The following LARP4B variants were observed in gnomAD, a reference collection of about 807,000 sequenced individuals.
The protein encoded by LARP4B is La ribonucleoprotein 4B.
A neutral mutation model predicts 89.8 loss-of-function variants in LARP4B; 12 were observed. That is an observed-to-expected ratio of 0.13 (90% CI 0.09 to 0.22). The LOEUF (loss-of-function observed/expected upper bound fraction) is 0.22, where lower values mean the gene tolerates loss of function less well. LARP4B is among the 10% of genes least tolerant of loss of function. The pLI, the probability that LARP4B is intolerant of heterozygous loss-of-function variation, is 1.00. For synonymous variants in LARP4B, 367 were observed against 363.3 expected (o/e 1.01, Z -0.12); for missense variants, 757 against 947.7 (o/e 0.80, Z 2.64).
the LARP4B span, among the ~76,000 whole-genome samples, chr10:950,927 T>C: frequency 2.0e-5 from 3 of 152,042 alleles, no homozygotes; most frequent in Non-Finnish European, 4.4e-5. Flanking sequence ...GACAATCATG[T>C]CATCTGCAAA....
intron 5 of LARP4B, among the ~76,000 whole-genome samples, chr10:859,085 A>C (rs1834456140): frequency 6.6e-6 from 1 of 151,942 alleles, no homozygotes; most frequent in African/African-American, 2.4e-5. Context: ...TTGAGACCAG[A>C]CTGGCCAACA....
chr10:852,540 C>T (rs1588911134), intron 5 of LARP4B, among the ~76,000 whole-genome samples: 1 of 152,324 alleles, frequency 6.6e-6, no homozygotes, highest in South Asian at 2.1e-4. Context: ...TGGTGAAATA[C>T]TGAGTGCCTC....
intron 3 of LARP4B, among the ~76,000 whole-genome samples, chr10:865,841 T>G (rs1834870700): frequency 6.6e-6 from 1 of 152,148 alleles, no homozygotes; most frequent in South Asian, 2.1e-4. Context: ...AAGGGACAGG[T>G]CCCTGGTCCC....
chr10:956,900 G>C, the LARP4B span, among the ~76,000 whole-genome samples: 1 of 152,176 alleles, frequency 6.6e-6, no homozygotes, highest in Non-Finnish European at 1.5e-5. This position sits in a 1 kb window ranked among gnomAD's most constrained non-coding sequence, Gnocchi z 4.3. Flanking sequence ...GGAAGGTGAC[G>C]CATGAGATAG....
Position 811,567 on chromosome 10 carries a change from C to A in LARP4B, c.*1359G>T, listed in dbSNP as rs1479007041. On this transcript the variant is annotated 3_prime_UTR_variant, in exon 18 of 18. Transcript: ENST00000316157. ...TGACCCACTCACGCCAACCCAGGGC[C>A]GGGCTCCATGGACTCTAAGCTGTCT... is the stretch of plus-strand genomic sequence containing the variant. The A allele has an allele frequency of 6.6e-6, 1 of 152,572 alleles. No individual in the cohort carries two copies. The highest frequency in any genetic ancestry group is 1.5e-5 in the Non-Finnish European group (1 of 68,040). The allele number at this position is 152,572 out of a possible 1,614,324, so 9.5% of individuals were successfully genotyped here.
chr10:950,494 T>C, the LARP4B span, among the ~76,000 whole-genome samples: 7 of 152,358 alleles, frequency 4.6e-5, no homozygotes, highest in Admixed American at 1.3e-4. Flanking sequence ...CCTTTGTCTG[T>C]ACATAGAGAT....
chr10:844,579 A>C (rs189702031), intron 6 of LARP4B, among the ~76,000 whole-genome samples: 1 of 152,148 alleles, frequency 6.6e-6, no homozygotes. Flanking sequence ...TACTAAGAAA[A>C]GGGTATTATT....
chr10:927,440 C>G (rs922976463), intron 1 of LARP4B, among the ~76,000 whole-genome samples: 1 of 152,154 alleles, frequency 6.6e-6, no homozygotes, highest in Non-Finnish European at 1.5e-5. Flanking sequence ...CTTTTGAGAA[C>G]CTAGCAGTTT....
At chr10:959,918 C>CTCAATCCCACCTCCTTG in the LARP4B span, among the ~76,000 whole-genome samples, 3 of 146,550 alleles carry the variant, frequency 2.0e-5, no homozygotes, top group African/African-American at 7.6e-5. Context: ...CCACCTCCTC[C>CTCAATCCCACCTCCTTG]TCAATCCCAC....
At chr10:852,435 C>T (rs1564406464) in intron 5 of LARP4B, among the ~76,000 whole-genome samples, 1 of 152,168 alleles carries the variant, frequency 6.6e-6, no homozygotes, top group African/African-American at 2.4e-5. Flanking sequence ...AATATTCATT[C>T]CTCATAAAAA....
chr10:869,942 A>C lies in LARP4B; in HGVS notation c.142-5672T>G, dbSNP rs10606144. On this transcript the variant is annotated intron_variant, in intron 3 of 17. Transcript: ENST00000316157. ...AATAATAATAATAATAATAATAATAATAATAATAAATTAAAATGTATAGCC... is the reference window on the plus strand; with the variant it reads ...AATAATAATAATAATAATAATAATACTAATAATAAATTAAAATGTATAGCC... The C allele has an allele frequency of 9.1e-3, 1,756 of 193,570 alleles. 36 individuals carry two copies. Among genetic ancestry groups the C allele is most frequent in the African/African-American group, 0.04 (1,649 of 41,214 alleles). 12.0% of individuals were successfully genotyped at this position (193,570 alleles called of 1,614,324 possible). A position where few individuals can be genotyped will look rare whatever the true frequency, so the allele number is the denominator to read the frequency against.
At chr10:913,344 TTCA>T (rs1389233440) in intron 1 of LARP4B, among the ~76,000 whole-genome samples, 1 of 152,220 alleles carries the variant, frequency 6.6e-6, no homozygotes, top group Non-Finnish European at 1.5e-5. Flanking sequence ...TATGTGATAT[TTCA>T]CTACCAAAAT....
chr10:827,499 T>C (rs990252665), intron 11 of LARP4B, among the ~76,000 whole-genome samples: 6 of 152,136 alleles, frequency 3.9e-5, no homozygotes, highest in Non-Finnish European at 8.8e-5. Flanking sequence ...TTGTTGGGGA[T>C]TAATAGGCAC....
At chr10:912,404 T>C (rs1397735808) in intron 1 of LARP4B, among the ~76,000 whole-genome samples, 1 of 151,982 alleles carries the variant, frequency 6.6e-6, no homozygotes. Context: ...AGGCCGAGGG[T>C]AGGACAGGCT....
rs904447290 is a variant in LARP4B, at chr10:915,254, C to T, written c.-40+16174G>A. Among the ~76,000 whole-genome samples, 44 of 152,004 alleles carry T rather than the reference C, an allele frequency of 2.9e-4. 1 individual carries two copies. Among genetic ancestry groups the T allele is most frequent in the Admixed American group, 2.0e-3 (31 of 15,258 alleles). ...GAGCTATGATTACACCACTACACTCCACCCCAGGCAACAGAGCAGACCCTG... is the reference window on the plus strand; with the variant it reads ...GAGCTATGATTACACCACTACACTCTACCCCAGGCAACAGAGCAGACCCTG... On this transcript the variant is annotated intron_variant, in intron 1 of 17. Coordinates refer to ENST00000316157, the MANE Select transcript of LARP4B (RefSeq NM_015155.3).
At chr10:813,257 C>A in intron 17 of LARP4B, 44 bp from the exon 18 acceptor site, 1 of 1,525,324 alleles carries the variant, frequency 6.6e-7, no homozygotes, top group Non-Finnish European at 8.8e-7. Flanking sequence ...AATGGTGTCT[C>A]TAGGGACAAG....
At chr10:932,556 G>T (rs1262066977), upstream of LARP4B, among the ~76,000 whole-genome samples, 1 of 61,474 alleles carries the variant, frequency 1.6e-5, no homozygotes. Context: ...CCCCGGCCCT[G>T]CCCCAAACTC....
the LARP4B span, among the ~76,000 whole-genome samples, chr10:951,346 C>T: frequency 3.9e-5 from 6 of 152,014 alleles, no homozygotes; most frequent in Admixed American, 1.3e-4. Flanking sequence ...GTCAGGAGTT[C>T]GAGACCAGCC....
intron 3 of LARP4B, among the ~76,000 whole-genome samples, chr10:880,005 C>T (rs1300467388): frequency 1.3e-5 from 2 of 151,862 alleles, no homozygotes; most frequent in Non-Finnish European, 2.9e-5. Flanking sequence ...AACTCCTGAC[C>T]TCAGGTGATC....
Sources: gnomAD v4.1 joint callset for allele counts (sites outside exome capture counted in the v4.1 genomes callset) on GRCh38, gnomAD v4.1.1 for gene constraint, Gnocchi (gnomAD v3.1) non-coding constraint, MANE v1.5 for transcripts, NCBI Gene and HGNC (gene_info 2026-07-23, HGNC 2026-07-21) for gene names.